PKN2: variants seen among roughly 807,000 people sequenced by gnomAD.
PKN2 encodes the protein serine/threonine-protein kinase N2.
PKN2 carries 38 observed loss-of-function variants against 119.1 expected under a neutral mutation model. The observed-to-expected ratio is 0.32, with a 90% confidence interval of 0.25 to 0.42. The LOEUF (loss-of-function observed/expected upper bound fraction) is 0.42, where lower values mean the gene tolerates loss of function less well. Among genes scored for constraint, PKN2 ranks in the 10% least tolerant of loss-of-function variants. The pLI, the probability that PKN2 is intolerant of heterozygous loss-of-function variation, is 1.00. For missense variants in PKN2, 850 were observed against 1,165.1 expected (o/e 0.73, Z 3.94); for synonymous variants, 390 against 384.9 (o/e 1.01, Z -0.15).
intron 2 of PKN2, among the ~76,000 whole-genome samples, chr1:88,743,448 A>T (rs1668652114): frequency 6.6e-6 from 1 of 152,172 alleles, no homozygotes; most frequent in African/African-American, 2.4e-5. Context: ...ACTGTTTTAT[A>T]TAAAGAAATT....
intron 1 of PKN2, among the ~76,000 whole-genome samples, chr1:88,739,884 G>A (rs1050599591): frequency 6.6e-6 from 1 of 152,092 alleles, no homozygotes; most frequent in African/African-American, 2.4e-5. Context: ...AAGTAATGAT[G>A]CTTTTGTACT....
chr1:88,704,035 A>G (rs1026723238), intron 1 of PKN2, among the ~76,000 whole-genome samples: 13 of 152,174 alleles, frequency 8.5e-5, no homozygotes, highest in African/African-American at 2.7e-4. Flanking sequence ...AAAATATGCA[A>G]TTTGATAAGC....
At chr1:88,724,262 T>C (rs959426977) in intron 1 of PKN2, among the ~76,000 whole-genome samples, 6 of 152,222 alleles carry the variant, frequency 3.9e-5, no homozygotes, top group Non-Finnish European at 7.3e-5. Context: ...TTGTTTCTTA[T>C]AATTAAATAG....
In PKN2 at chr1:88,684,551, G is replaced by A; in HGVS notation, c.-30G>A. ...TTCTCCCTTCGCCAGAGGCGGCCGC[G>A]TCCAGGTGCGGAGTCCATACCGGAG... is the stretch of plus-strand genomic sequence containing the variant. On this transcript the variant is annotated 5_prime_UTR_variant, in exon 1 of 22. Transcript: ENST00000370521. 1.3e-6 allele frequency: 2 copies of A among 1,525,234 alleles called. No individual in the cohort carries two copies. Among genetic ancestry groups the A allele is most frequent in the African/African-American group, 1.4e-5 (1 of 70,716 alleles). The allele number at this position is 1,525,234 out of a possible 1,614,324, so 94.5% of individuals were successfully genotyped here. A position where few individuals can be genotyped will look rare whatever the true frequency, so the allele number is the denominator to read the frequency against.
chr1:88,771,844 A>G lies in PKN2; in HGVS notation c.950A>G (p.Gln317Arg), dbSNP rs559326247. The stretch of plus-strand genomic sequence containing the variant: ...CAAAGTATGATATCTACGCAAAATC[A>G]ATATAGTACACTATCCAAACCAGCA... Reference protein sequence around the residue: ...PRQSMISTQNQYSTLSKPAAL... With the variant: ...PRQSMISTQNRYSTLSKPAAL... The change falls in exon 6 of 22, where the codon CAA (glutamine) becomes CGA (arginine). Residue 317 changes from glutamine (Q) to arginine (R), a missense_variant. Coordinates refer to ENST00000370521, the MANE Select transcript of PKN2 (RefSeq NM_006256.4). The G allele has an allele frequency of 2.5e-6, 4 of 1,613,872 alleles. No individual in the cohort carries two copies. Among genetic ancestry groups the G allele is most frequent in the Admixed American group, 3.3e-5 (2 of 60,030 alleles).
intron 16 of PKN2, among the ~76,000 whole-genome samples, chr1:88,816,524 G>A (rs1166593710): frequency 2.0e-5 from 3 of 152,150 alleles, no homozygotes; most frequent in South Asian, 2.1e-4. Flanking sequence ...TGGGATTACA[G>A]GCATGAGCCA....
chr1:88,748,831 A>C lies in PKN2; in HGVS notation c.349+7543A>C, dbSNP rs1263016996. On this transcript the variant is annotated intron_variant, in intron 2 of 21. Coordinates refer to ENST00000370521, the MANE Select transcript of PKN2 (RefSeq NM_006256.4). ...GCACCTGTAATCCCAGCTACTTGGG[A>C]GGCTGAGGTGGGAGTATTACTTGAG... 4.6e-5 allele frequency among the ~76,000 whole-genome samples: 7 copies of C among 152,286 alleles called. No homozygotes were observed. In the South Asian group the frequency reaches 1.5e-3, roughly 32 times the overall value.
At chr1:88,818,726 C>A (rs184377690) in intron 16 of PKN2, among the ~76,000 whole-genome samples, 21 of 151,450 alleles carry the variant, frequency 1.4e-4, no homozygotes, top group African/African-American at 4.8e-4. Flanking sequence ...GCCAAGACAA[C>A]GCTAAGCAAA....
At chr1:88,783,009 ATTAT>A (rs1270069683) in intron 6 of PKN2, among the ~76,000 whole-genome samples, 2 of 152,208 alleles carry the variant, frequency 1.3e-5, no homozygotes, top group African/African-American at 4.8e-5. Flanking sequence ...TTTAGGGGTA[ATTAT>A]TCTCTACTGC....
chr1:88,820,224 ATATATATAT>A (rs1672208864), intron 16 of PKN2, among the ~76,000 whole-genome samples: 13 of 109,600 alleles, frequency 1.2e-4, no homozygotes, highest in East Asian at 2.3e-4. Context: ...ATATATATAT[ATATATATAT>A]AAATAGAAAA....
chr1:88,751,713 G>C (rs1669006751), intron 2 of PKN2, among the ~76,000 whole-genome samples: 1 of 152,064 alleles, frequency 6.6e-6, no homozygotes, highest in South Asian at 2.1e-4. Context: ...CCCACATGCT[G>C]ATCATTTTCT....
chr1:88,748,193 A>T (rs1408502297), intron 2 of PKN2, among the ~76,000 whole-genome samples: 1 of 152,170 alleles, frequency 6.6e-6, no homozygotes, highest in Non-Finnish European at 1.5e-5. Flanking sequence ...CACCACATTC[A>T]GAAAAAGGAA....
chr1:88,802,871 TC>T (rs1261953176), intron 8 of PKN2, among the ~76,000 whole-genome samples: 2 of 152,208 alleles, frequency 1.3e-5, no homozygotes, highest in Non-Finnish European at 2.9e-5. Flanking sequence ...TAACAAGTCT[TC>T]CTTGTAACAG....
intron 2 of PKN2, among the ~76,000 whole-genome samples, chr1:88,749,208 T>C (rs2100759999): frequency 6.6e-6 from 1 of 152,236 alleles, no homozygotes; most frequent in Admixed American, 6.5e-5. Context: ...TCTTCTCTAC[T>C]AGGAGATGAT....
chr1:88,727,757 G>T (rs1312637977), intron 1 of PKN2, among the ~76,000 whole-genome samples: 1 of 152,044 alleles, frequency 6.6e-6, no homozygotes, highest in Non-Finnish European at 1.5e-5. Flanking sequence ...TATTAGTATT[G>T]ACATTCTCCA....
intron 6 of PKN2, among the ~76,000 whole-genome samples, chr1:88,780,612 T>A (rs1670295975): frequency 1.3e-5 from 2 of 152,176 alleles, no homozygotes; most frequent in South Asian, 4.1e-4. Context: ...GACCTTGTCA[T>A]CTACCTACAT....
chr1:88,727,466 C>T (rs548258103), intron 1 of PKN2, among the ~76,000 whole-genome samples: 7 of 152,274 alleles, frequency 4.6e-5, no homozygotes, highest in East Asian at 1.9e-4. Flanking sequence ...CCACTGCACC[C>T]GGCCCAAGGC....
Position 88,748,376 on chromosome 1 carries a change from C to T in PKN2, c.349+7088C>T, listed in dbSNP as rs532746307. On this transcript the variant is annotated intron_variant, in intron 2 of 21. Coordinates refer to ENST00000370521, the MANE Select transcript of PKN2 (RefSeq NM_006256.4). ...TAAGTTTTTGAGAATTTTTTCCCTC[C>T]GCATATTGCCTTTGAAATTCCTTCA... Among the ~76,000 whole-genome samples the T allele has an allele frequency of 1.2e-4, 19 of 152,178 alleles. No homozygotes were observed. In the East Asian group the frequency reaches 1.3e-3, roughly 11 times the overall value.
intron 8 of PKN2, among the ~76,000 whole-genome samples, chr1:88,793,616 A>G (rs1020178644): frequency 6.6e-6 from 1 of 152,130 alleles, no homozygotes; most frequent in Non-Finnish European, 1.5e-5. Flanking sequence ...ATATCTGCAT[A>G]CAGTTGTCCC....
Sources: allele counts gnomAD v4.1 joint callset (sites outside exome capture counted in the v4.1 genomes callset), GRCh38; gene constraint gnomAD v4.1.1; transcripts MANE v1.5; gene names NCBI Gene and HGNC (gene_info 2026-07-23, HGNC 2026-07-21).